EPHB2: variants seen among roughly 807,000 people sequenced by gnomAD.
EPHB2 encodes ephrin type-B receptor 2.
In EPHB2, 18 loss-of-function variants were observed where a neutral mutation model predicts 96.4. The ratio of observed to expected loss-of-function variants is 0.19; its 90% CI spans 0.13 to 0.28. The LOEUF is 0.28. Ranked by LOEUF, EPHB2 falls within the 10% of genes least tolerant of loss-of-function variation. The pLI is 1.00. For missense variants in EPHB2, 989 were observed against 1,355.4 expected (o/e 0.73, Z 4.25); for synonymous variants, 506 against 534.1 (o/e 0.95, Z 0.72).
intron 2 of EPHB2, among the ~76,000 whole-genome samples, chr1:22,782,621 G>A (rs1456375977): frequency 6.6e-6 from 1 of 152,134 alleles, no homozygotes; most frequent in Non-Finnish European, 1.5e-5. Flanking sequence ...GCCCCCGGAC[G>A]CAATTATTTG....
rs12726813 is a variant in EPHB2 at position 22,913,022 on chromosome 1, G to A, written c.2852+423G>A. ...AGCCTGACCAACATGGTGAAACCCC[G>A]TCTCTACTAAAATGCAAAAAATTAG... is the stretch of plus-strand genomic sequence containing the variant. On this transcript the variant is annotated intron_variant, in intron 15 of 15. Transcript: ENST00000374630. This position sits in a 1 kb window ranked among gnomAD's most constrained non-coding sequence, Gnocchi z 4.1. The A allele has an allele frequency of 0.12, 40,765 of 348,182 alleles. 3,110 individuals are homozygous for A. The highest frequency in any genetic ancestry group is 0.16 in the Non-Finnish European group (28,870 of 178,182). 21.6% of individuals were successfully genotyped at this position (348,182 alleles called of 1,614,324 possible).
chr1:22,795,133 G>T (rs1008505870), intron 3 of EPHB2, among the ~76,000 whole-genome samples: 3 of 152,094 alleles, frequency 2.0e-5, no homozygotes, highest in African/African-American at 7.2e-5. Flanking sequence ...CCCACCCTAA[G>T]CCCTACACCT....
At chr1:22,849,302 C>T (rs943181743) in intron 3 of EPHB2, among the ~76,000 whole-genome samples, 4 of 152,152 alleles carry the variant, frequency 2.6e-5, no homozygotes, top group African/African-American at 9.7e-5. Context: ...CTCTGAGGAC[C>T]GATCTCAGCC....
chr1:22,747,747 A>G (rs756032344), intron 1 of EPHB2, among the ~76,000 whole-genome samples: 12 of 152,232 alleles, frequency 7.9e-5, no homozygotes, highest in Non-Finnish European at 1.0e-4. Context: ...CTCACCTGGA[A>G]TGAACCCATT....
At chr1:22,747,393 C>G (rs1360405587) in intron 1 of EPHB2, among the ~76,000 whole-genome samples, 2 of 152,210 alleles carry the variant, frequency 1.3e-5, no homozygotes, top group East Asian at 3.8e-4. Context: ...AGTGGCTTGC[C>G]CAAGGCCCGA....
chr1:22,806,977 C>T (rs1201357471), intron 3 of EPHB2, among the ~76,000 whole-genome samples: 3 of 152,098 alleles, frequency 2.0e-5, no homozygotes, highest in Admixed American at 2.0e-4. Context: ...AAGAGGCAGG[C>T]GCCTCTGCTT....
At chr1:22,780,861 G>A (rs896281561) in intron 1 of EPHB2, among the ~76,000 whole-genome samples, 10 of 152,136 alleles carry the variant, frequency 6.6e-5, no homozygotes, top group African/African-American at 2.4e-4. Context: ...CTGGAGGGGC[G>A]GGGCCTAGAG....
At chr1:22,723,604 G>A (rs941863640) in intron 1 of EPHB2, among the ~76,000 whole-genome samples, 5 of 152,392 alleles carry the variant, frequency 3.3e-5, no homozygotes, top group Middle Eastern at 6.8e-3. Context: ...GGCCAGGAGA[G>A]GGAGGAGATA....
chr1:22,777,543 G>C (rs912185885), intron 1 of EPHB2, among the ~76,000 whole-genome samples: 2 of 152,146 alleles, frequency 1.3e-5, no homozygotes, highest in Non-Finnish European at 2.9e-5. Context: ...AGTTCTTGAG[G>C]CAATAACTAT....
chr1:22,899,205 A>T (rs1639670949), intron 9 of EPHB2, among the ~76,000 whole-genome samples: 1 of 151,092 alleles, frequency 6.6e-6, no homozygotes, highest in Non-Finnish European at 1.5e-5. Flanking sequence ...AAAAAAAAAA[A>T]AAAAAATAGT....
At chr1:22,815,802 G>T (rs1359527355) in intron 3 of EPHB2, among the ~76,000 whole-genome samples, 1 of 152,186 alleles carries the variant, frequency 6.6e-6, no homozygotes, top group Non-Finnish European at 1.5e-5. Flanking sequence ...GCAGTGTGGG[G>T]GTCTGGGGCT....
intron 1 of EPHB2, among the ~76,000 whole-genome samples, chr1:22,751,163 CT>C (rs148353468): frequency 0.028 from 4,228 of 152,292 alleles, 96 homozygotes; most frequent in Non-Finnish European, 0.045. Context: ...AGTCCAAGCC[CT>C]TCATTTGGTG....
intron 3 of EPHB2, among the ~76,000 whole-genome samples, chr1:22,852,089 T>C (rs1294400409): frequency 6.6e-6 from 1 of 152,248 alleles, no homozygotes; most frequent in Non-Finnish European, 1.5e-5. Flanking sequence ...GAGATCATCA[T>C]ATTCTTCCTC....
chr1:22,724,513 A>AGCT (rs1284302336), intron 1 of EPHB2, among the ~76,000 whole-genome samples: 2 of 152,208 alleles, frequency 1.3e-5, no homozygotes, highest in Non-Finnish European at 2.9e-5. Context: ...CCTGGCATAG[A>AGCT]GCTCTTGGTG....
intron 1 of EPHB2, among the ~76,000 whole-genome samples, chr1:22,740,735 C>T (rs931181119): frequency 4.6e-5 from 7 of 152,130 alleles, no homozygotes; most frequent in South Asian, 2.1e-4. Context: ...GGCCCTTCCC[C>T]GCCCGTCTCA....
At position 22,906,665 on chromosome 1, in the gene EPHB2, C is replaced by T. The variant is rs1173106732; in HGVS notation, c.1889-45C>T. 4 of 1,613,048 alleles carry T rather than the reference C, an allele frequency of 2.5e-6. No homozygotes were observed. The highest frequency in any genetic ancestry group is 3.3e-5 in the Admixed American group (2 of 59,978). Reference sequence around the variant, plus strand: ...ACAGGGAACAGGAAGGTGGCCCTTCCACCTGGCAAGTGACATCCTGTCTGT... The same window carrying T: ...ACAGGGAACAGGAAGGTGGCCCTTCTACCTGGCAAGTGACATCCTGTCTGT... On this transcript the variant is annotated intron_variant, in intron 10 of 15. Transcript: ENST00000374630. This position sits in a 1 kb window ranked among gnomAD's most constrained non-coding sequence, Gnocchi z 4.8.
chr1:22,763,798 G>A (rs1644268278), intron 1 of EPHB2, among the ~76,000 whole-genome samples: 1 of 152,156 alleles, frequency 6.6e-6, no homozygotes, highest in South Asian at 2.1e-4. Flanking sequence ...GGCCAGCGGG[G>A]GGTGAAGGGC....
At chr1:22,720,326 T>A (rs1248335911) in intron 1 of EPHB2, among the ~76,000 whole-genome samples, 1 of 152,180 alleles carries the variant, frequency 6.6e-6, no homozygotes, top group East Asian at 1.9e-4. Context: ...TTTTGTTTTA[T>A]CCTTGAAGAG....
intron 3 of EPHB2, among the ~76,000 whole-genome samples, chr1:22,819,205 G>GACTCTCTCTC (rs1271309129): frequency 3.9e-5 from 4 of 103,394 alleles, no homozygotes; most frequent in Non-Finnish European, 7.6e-5. Flanking sequence ...CCCAGCAGAT[G>GACTCTCTCTC]TCTCTCTCTC....
Sources: gnomAD v4.1 joint callset for allele counts (sites outside exome capture counted in the v4.1 genomes callset) on GRCh38, gnomAD v4.1.1 for gene constraint, Gnocchi (gnomAD v3.1) non-coding constraint, MANE v1.5 for transcripts, NCBI Gene and HGNC (gene_info 2026-07-23, HGNC 2026-07-21) for gene names.